Variants in TJP1 observed in about 807,000 individuals in gnomAD.
The protein encoded by TJP1 is tight junction protein ZO-1.
In TJP1, 43 loss-of-function variants were observed where a neutral mutation model predicts 194.2. That is an observed-to-expected ratio of 0.22 (90% confidence interval 0.17 to 0.29). The LOEUF (loss-of-function observed/expected upper bound fraction) is 0.29. TJP1 is among the 10% of genes least tolerant of loss of function. The pLI, the probability that TJP1 is intolerant of heterozygous loss-of-function variation, is 1.00. For missense variants in TJP1, 1,971 were observed against 2,185.7 expected, an observed-to-expected ratio of 0.90 and a Z score of 1.96; for synonymous variants, 801 against 779.0, an observed-to-expected ratio of 1.03 and a Z score of -0.47.
At chr15:29,944,045 C>G (rs969418477) in intron 2 of TJP1, among the ~76,000 whole-genome samples, 1 of 151,900 alleles carries the variant, frequency 6.6e-6, no homozygotes, top group Non-Finnish European at 1.5e-5. Flanking sequence ...AATTAAAAAT[C>G]GTTAGAAAAC....
intron 2 of TJP1, among the ~76,000 whole-genome samples, chr15:29,858,974 C>G (rs1022552311): frequency 6.6e-6 from 1 of 152,126 alleles, no homozygotes; most frequent in Non-Finnish European, 1.5e-5. Flanking sequence ...ATTACTAGTA[C>G]GAGCCACTGT....
chr15:29,763,510 CT>C (rs2046135203), intron 5 of TJP1, among the ~76,000 whole-genome samples: 1 of 152,160 alleles, frequency 6.6e-6, no homozygotes, highest in South Asian at 2.1e-4. Flanking sequence ...TGGCTCATGC[CT>C]GTAATTCCAG....
rs769747781 is a variant in TJP1, at chr15:29,742,644, G to C, written c.1148C>G (p.Pro383Arg). 8.9e-6 allele frequency: 14 copies of C among 1,575,792 alleles called. No homozygotes were observed. Among genetic ancestry groups the C allele is most frequent in the Non-Finnish European group, 1.2e-5 (14 of 1,164,730 alleles). ...ERNEKQTPSL[P>R]EPKPVYAQVG... ...ACTTAGTGTTTCGTTATGCTTACCT[G>C]GAAGAGAAGGTGTTTGTTTCTCATT... Residue 383 changes from proline (P) to arginine (R), a missense_variant and splice_region_variant, in exon 9 of 28, where the codon CCA becomes CGA. Coordinates refer to ENST00000614355, the MANE Select transcript of TJP1 (RefSeq NM_001330239.4).
chr15:29,781,150 G>C (rs1191944191), intron 2 of TJP1, among the ~76,000 whole-genome samples: 1 of 152,070 alleles, frequency 6.6e-6, no homozygotes, highest in Admixed American at 6.6e-5. Context: ...GGATACCACT[G>C]ACCCCACAGG....
chr15:29,741,398 C>T lies in TJP1; in HGVS notation c.1189G>A (p.Val397Met). Residue 397 changes from valine to methionine, a missense_variant, in exon 10 of 28, where the codon GTG (valine) becomes ATG (methionine). Around this residue, in one of 5 missense-constraint regions of TJP1, gnomAD observed 192 missense variants for 182.3 expected, o/e 1.05. Transcript: ENST00000614355. ...TCAGATGGACTGACAGGTAAATCCA[C>T]ATCTGGTTGCCCAACTTGGGCATAC... The part of the protein sequence containing the change: ...PVYAQVGQPD[V>M]DLPVSPSDGV... 1 of 1,604,818 alleles carries T rather than the reference C, an allele frequency of 6.2e-7. No homozygotes were observed. Among genetic ancestry groups the T allele is most frequent in the East Asian group, 2.2e-5 (1 of 44,456 alleles).
intron 4 of TJP1, among the ~76,000 whole-genome samples, chr15:29,771,624 T>C (rs949936356): frequency 6.6e-6 from 1 of 151,686 alleles, no homozygotes; most frequent in East Asian, 1.9e-4. Flanking sequence ...GCTAACACGG[T>C]GAAACCCTGT....
chr15:29,829,507 TG>T (rs1298974034), intron 2 of TJP1, among the ~76,000 whole-genome samples: 1 of 151,964 alleles, frequency 6.6e-6, no homozygotes, highest in Non-Finnish European at 1.5e-5. Context: ...CTCACCTTTA[TG>T]AAAGAACTGC....
chr15:29,747,522 A>G (rs2044882622), intron 8 of TJP1, among the ~76,000 whole-genome samples: 1 of 152,156 alleles, frequency 6.6e-6, no homozygotes, highest in African/African-American at 2.4e-5. Flanking sequence ...TAAAAAGAGA[A>G]AAGTGAAAAA....
At chr15:29,950,235 C>T (rs1379021483) in intron 2 of TJP1, among the ~76,000 whole-genome samples, 3 of 149,812 alleles carry the variant, frequency 2.0e-5, no homozygotes, top group South Asian at 2.1e-4. Flanking sequence ...ACCTCCACCA[C>T]CACCACCTCC....
At chr15:29,940,362 T>C (rs190306091) in intron 2 of TJP1, among the ~76,000 whole-genome samples, 1 of 152,260 alleles carries the variant, frequency 6.6e-6, no homozygotes, top group Admixed American at 6.5e-5. Flanking sequence ...CACGAAACAT[T>C]AGCTACTACA....
At chr15:29,894,639 C>G (rs2053420178) in intron 2 of TJP1, among the ~76,000 whole-genome samples, 1 of 152,168 alleles carries the variant, frequency 6.6e-6, no homozygotes, top group African/African-American at 2.4e-5. Context: ...AGTCAGGTGC[C>G]TGCAGCTCTC....
intron 1 of TJP1, among the ~76,000 whole-genome samples, chr15:29,806,683 G>A (rs1199162132): frequency 6.6e-6 from 1 of 152,164 alleles, no homozygotes; most frequent in Non-Finnish European, 1.5e-5. Flanking sequence ...TTAAGGAGAA[G>A]GACAAGGTAG....
intron 8 of TJP1, among the ~76,000 whole-genome samples, chr15:29,752,229 A>C (rs1466797425): frequency 6.6e-6 from 1 of 151,582 alleles, no homozygotes; most frequent in African/African-American, 2.4e-5. Context: ...CAGCCTTCCG[A>C]GTAGCTGGGA....
At position 29,716,392 on chromosome 15, in the gene TJP1, G is replaced by C. The variant is rs191499301; in HGVS notation, c.4202+219C>G. On this transcript the variant is annotated intron_variant, in intron 23 of 27. Coordinates refer to ENST00000614355, the MANE Select transcript of TJP1 (RefSeq NM_001330239.4). ...ACACTGTCTTCCGTCAAAACCCTGT[G>C]ATGTTAGCATCTTTGTGAATGCAAA... Among the ~76,000 whole-genome samples, 4 of 152,354 alleles carry C rather than the reference G, an allele frequency of 2.6e-5. No homozygotes were observed. The East Asian group carries it at 7.7e-4, about 29-fold the overall frequency.
At chr15:29,834,784 G>A (rs950651989) in intron 2 of TJP1, among the ~76,000 whole-genome samples, 1 of 152,062 alleles carries the variant, frequency 6.6e-6, no homozygotes, top group Non-Finnish European at 1.5e-5. Flanking sequence ...CAGAAACCAG[G>A]GTCCCCACAG....
chr15:29,777,969 A>G (rs1029655634), intron 2 of TJP1, among the ~76,000 whole-genome samples: 4 of 152,202 alleles, frequency 2.6e-5, no homozygotes, highest in African/African-American at 9.6e-5. Flanking sequence ...ATTTTACAGT[A>G]TGAACTTACA....
chr15:29,718,346 T>C lies in TJP1; in HGVS notation c.3796A>G (p.Thr1266Ala), dbSNP rs1400181551. Residue 1266 changes from threonine to alanine, a missense_variant, in exon 21 of 28, where the codon ACC (threonine) becomes GCC (alanine). By Grantham distance (58) the Thr-to-Ala change is moderately conservative. Transcript: ENST00000614355. ...DPAMKPQSVL[T>A]RVKMFENKRS... The stretch of plus-strand genomic sequence containing the variant: ...TTGTTTTCAAACATCTTAACTCTGG[T>C]GAGTACAGACTGTGGCTTCATTGCT... 1.9e-6 allele frequency: 3 copies of C among 1,614,150 alleles called. No homozygotes were observed. The highest frequency in any genetic ancestry group is 2.5e-6 in the Non-Finnish European group (3 of 1,180,022).
At chr15:29,736,520 C>T (rs1050616888) in intron 11 of TJP1, among the ~76,000 whole-genome samples, 1 of 152,158 alleles carries the variant, frequency 6.6e-6, no homozygotes, top group African/African-American at 2.4e-5. Context: ...TGGACAGATA[C>T]CTTCTGATTA....
intron 18 of TJP1, among the ~76,000 whole-genome samples, chr15:29,725,481 A>G (rs142418613): frequency 5.1e-4 from 78 of 152,268 alleles, no homozygotes; most frequent in African/African-American, 1.8e-3. Flanking sequence ...CAAACCAACA[A>G]GGAAGTACAA....
Sources: gnomAD v4.1 joint callset for allele counts (sites outside exome capture counted in the v4.1 genomes callset) on GRCh38, gnomAD v4.1.1 for gene constraint, gnomAD v4.1.1 regional missense constraint, MANE v1.5 for transcripts, NCBI Gene and HGNC (gene_info 2026-07-23, HGNC 2026-07-21) for gene names.